The following PRRC2C variants were observed in gnomAD, a reference collection of about 807,000 sequenced individuals.
PRRC2C encodes proline rich coiled-coil 2C, also known as protein PRRC2C.
In PRRC2C, 72 loss-of-function variants were observed where a neutral mutation model predicts 317.2. That is an observed-to-expected ratio of 0.23 (90% CI 0.19 to 0.28). The LOEUF is 0.28. Ranked by LOEUF, PRRC2C falls within the 10% of genes least tolerant of loss-of-function variation. The probability of loss-of-function intolerance (pLI) is 1.00; values close to 1 mark genes in which losing one functional copy is unlikely to be tolerated. For synonymous variants in PRRC2C, 1,296 were observed against 1,205.9 expected (o/e 1.07, Z -1.55); for missense variants, 3,074 against 3,459.7 (o/e 0.89, Z 2.80).
At position 171,515,821 on chromosome 1, in the gene PRRC2C, A is replaced by C; in HGVS notation, c.488A>C (p.Asp163Ala). The change falls in exon 5 of 35, where the codon GAT becomes GCT. Residue 163 changes from aspartate to alanine, a missense_variant. Physicochemically the swap from Asp to Ala is moderately radical, Grantham distance 126. Around this residue, in one of 11 missense-constraint regions of PRRC2C, gnomAD observed 237 missense variants for 199.5 expected, o/e 1.19. Transcript: ENST00000647382. ...DQEKKEKETN[D>A]DNYGPGPSLR... ...GAAAAAAAAGAAAAGGAAACAAATG[A>C]TGACAACTATGGACCTGGACCCAGT... 1.9e-6 allele frequency: 3 copies of C among 1,612,274 alleles called. No homozygotes were observed. The highest frequency in any genetic ancestry group is 1.7e-6 in the Non-Finnish European group (2 of 1,178,974).
intron 7 of PRRC2C, chr1:171,522,485 C>G (rs1673751569): frequency 3.6e-6 from 1 of 274,320 alleles, no homozygotes; most frequent in Non-Finnish European, 6.8e-6. Flanking sequence ...AAACTGAAAA[C>G]CAGGCCGGGG....
chr1:171,591,305 C>A, intron 34 of PRRC2C: 5 of 872,436 alleles, frequency 5.7e-6, no homozygotes, highest in Non-Finnish European at 7.3e-6. Flanking sequence ...GATTTGCAAG[C>A]AGGTTCCCTA....
intron 5 of PRRC2C, among the ~76,000 whole-genome samples, chr1:171,517,168 A>G (rs1028747234): frequency 2.0e-5 from 3 of 152,206 alleles, no homozygotes; most frequent in Non-Finnish European, 4.4e-5. Context: ...TGTAACTAAC[A>G]ATAATATACT....
intron 2 of PRRC2C, 123 bp from the exon 3 acceptor site, chr1:171,512,872 A>T: frequency 1.1e-6 from 1 of 900,080 alleles, no homozygotes. Flanking sequence ...TTATTATTTT[A>T]AAATACATGA....
chr1:171,555,466 C>G (rs538207694), intron 18 of PRRC2C, among the ~76,000 whole-genome samples: 1 of 152,330 alleles, frequency 6.6e-6, no homozygotes, highest in African/African-American at 2.4e-5. Flanking sequence ...CTACTTCTAT[C>G]AACTTGTCAA....
chr1:171,571,365 C>G lies in PRRC2C; in HGVS notation c.6697C>G (p.Gln2233Glu). The G allele has an allele frequency of 6.2e-7, 1 of 1,613,038 alleles. No individual in the cohort carries two copies. Among genetic ancestry groups the G allele is most frequent in the African/African-American group, 1.3e-5 (1 of 75,048 alleles). Residue 2233 changes from glutamine (Q) to glutamate (E), a missense_variant, in exon 24 of 35, where the codon CAA becomes GAA. By Grantham distance (29) the Gln-to-Glu change is conservative. Transcript: ENST00000647382. ...TCCCCTCCCTAAGAGGGAGACTATA[C>G]AACAGAGCTCCAGCCTAACTTCAGT... is the stretch of plus-strand genomic sequence containing the variant. ...TLPLPKRETI[Q>E]QSSSLTSVPP... is the part of the protein sequence containing the mutation.
chr1:171,512,868 T>C, intron 2 of PRRC2C, 127 bp from the exon 3 acceptor site: 1 of 895,618 alleles, frequency 1.1e-6, no homozygotes, highest in East Asian at 2.8e-5. Flanking sequence ...AAAATTATTA[T>C]TTTAAAATAC....
chr1:171,526,765 T>A (rs1255514284), intron 10 of PRRC2C, among the ~76,000 whole-genome samples: 12 of 150,716 alleles, frequency 8.0e-5, no homozygotes, highest in Non-Finnish European at 1.8e-4. Context: ...TGTTTAGCAA[T>A]CTTATGGTAT....
chr1:171,508,862 C>A (rs975309395), intron 1 of PRRC2C, among the ~76,000 whole-genome samples: 1 of 151,878 alleles, frequency 6.6e-6, no homozygotes, highest in Non-Finnish European at 1.5e-5. Context: ...CTTCACTGAC[C>A]ATCAATTTAA....
chr1:171,580,383 A>G (rs892065086), intron 28 of PRRC2C, among the ~76,000 whole-genome samples: 1 of 152,236 alleles, frequency 6.6e-6, no homozygotes, highest in Non-Finnish European at 1.5e-5. Context: ...AGAGAGGGGT[A>G]AATATCAAAG....
chr1:171,559,505 GTTTGTTTTTTTTTTTT>G (rs1267359838), intron 19 of PRRC2C, among the ~76,000 whole-genome samples: 13 of 95,134 alleles, frequency 1.4e-4, no homozygotes, highest in Middle Eastern at 7.0e-3. Flanking sequence ...GGCATACCAA[GTTTGTTTTTTTTTTTT>G]TTTTTTTTTT....
At chr1:171,519,548 C>G (rs1015283679) in intron 6 of PRRC2C, among the ~76,000 whole-genome samples, 1 of 152,138 alleles carries the variant, frequency 6.6e-6, no homozygotes, top group Non-Finnish European at 1.5e-5. Context: ...ATTATATACT[C>G]TGGCACCCAC....
At position 171,522,273 on chromosome 1, in the gene PRRC2C, A is replaced by C; in HGVS notation, c.833+14A>C. The C allele has an allele frequency of 6.6e-7, 1 of 1,517,600 alleles. No homozygotes were observed. The highest frequency in any genetic ancestry group is 9.1e-7 in the Non-Finnish European group (1 of 1,094,722). 94.0% of individuals were successfully genotyped at this position (1,517,600 alleles called of 1,614,324 possible). ...TGAAACAAACAAGTAAGGCTATTAA[A>C]TGATTAAAGTCTGTAAGGAATATAT... On this transcript the variant is annotated intron_variant, in intron 7 of 34. Coordinates refer to ENST00000647382, the MANE Select transcript of PRRC2C (RefSeq NM_001387844.1).
rs1474992002 is a variant in PRRC2C, at chr1:171,532,929, A to G, written c.1841A>G (p.Glu614Gly). The change falls in exon 12 of 35, where the codon GAA (glutamate) becomes GGA (glycine). Residue 614 changes from glutamate (E) to glycine (G), a missense_variant. Transcript: ENST00000647382. ...PREPNLEPMV[E>G]KQESENSCNK... is the part of the protein sequence containing the mutation. ...GAACCTAATTTAGAGCCCATGGTAG[A>G]AAAACAAGAAAGTGAAAACAGCTGT... The G allele has an allele frequency of 6.4e-7, 1 of 1,563,182 alleles. No homozygotes were observed. Among genetic ancestry groups the G allele is most frequent in the East Asian group, 2.3e-5 (1 of 44,304 alleles).
In PRRC2C at chr1:171,535,561, T is replaced by G. The variant is rs753907851; in HGVS notation, c.2007T>G (p.Phe669Leu). 1 of 1,614,028 alleles carries G rather than the reference T, an allele frequency of 6.2e-7. No homozygotes were observed. The highest frequency in any genetic ancestry group is 8.5e-7 in the Non-Finnish European group (1 of 1,179,882). Reference protein sequence around the residue: ...PAVLSGYFKQFQKSLPPRFQR... With the variant: ...PAVLSGYFKQLQKSLPPRFQR... ...TATTATCTGGCTATTTCAAACAGTT[T>G]CAGAAGTCTTTACCTCCACGATTCC... is the stretch of plus-strand genomic sequence containing the variant. Residue 669 changes from phenylalanine to leucine, a missense_variant, in exon 13 of 35, where the codon TTT becomes TTG. Phe to Leu is a conservative substitution (Grantham distance 22, BLOSUM62 0). Around this residue, in one of 11 missense-constraint regions of PRRC2C, gnomAD observed 1,320 missense variants for 1,395.7 expected, o/e 0.95. Transcript: ENST00000647382.
intron 14 of PRRC2C, among the ~76,000 whole-genome samples, chr1:171,536,585 G>A (rs918416287): frequency 4.6e-5 from 7 of 151,950 alleles, no homozygotes; most frequent in Admixed American, 1.3e-4. Flanking sequence ...TGTTTTCAGC[G>A]TTTGAATTTT....
At chr1:171,574,379 AT>A (rs1685337191) in intron 24 of PRRC2C, among the ~76,000 whole-genome samples, 1 of 152,136 alleles carries the variant, frequency 6.6e-6, no homozygotes, top group Admixed American at 6.5e-5. Context: ...AAATAAGGCC[AT>A]TTTCTGCCAT....
chr1:171,496,332 A>G (rs1668100815), intron 1 of PRRC2C, among the ~76,000 whole-genome samples: 1 of 146,312 alleles, frequency 6.8e-6, no homozygotes, highest in South Asian at 2.2e-4. Flanking sequence ...CCTCCCTAGT[A>G]GCTGAGACTA....
intron 20 of PRRC2C, among the ~76,000 whole-genome samples, chr1:171,562,825 G>A (rs1306824236): frequency 6.6e-6 from 1 of 152,184 alleles, no homozygotes; most frequent in Non-Finnish European, 1.5e-5. Flanking sequence ...TATAGATGAT[G>A]TTTAAAGTGA....
Sources: allele counts gnomAD v4.1 joint callset (sites outside exome capture counted in the v4.1 genomes callset), GRCh38; gene constraint gnomAD v4.1.1; regional missense constraint gnomAD v4.1.1; transcripts MANE v1.5; gene names NCBI Gene and HGNC (gene_info 2026-07-23, HGNC 2026-07-21).